The following DOC2B variants were observed in gnomAD, a reference collection of about 807,000 sequenced individuals.
DOC2B encodes the protein double C2 domain beta.
DOC2B carries 21 observed loss-of-function variants against 28.9 expected under a neutral mutation model. The ratio of observed to expected loss-of-function variants is 0.73; its 90% confidence interval spans 0.52 to 1.05. The LOEUF is 1.05. DOC2B is among the 50% of genes least tolerant of loss of function. The pLI, the probability that DOC2B is intolerant of heterozygous loss-of-function variation, is 0.00. For missense variants in DOC2B, 384 were observed against 421.1 expected, an observed-to-expected ratio of 0.91 and a Z score of 0.77; for synonymous variants, 194 against 178.1, an observed-to-expected ratio of 1.09 and a Z score of -0.71.
At chr17:162,039 A>G (rs62054999) in intron 4 of DOC2B, 42 bp downstream of exon 4, 1,172,164 of 1,374,054 alleles carry the variant, frequency 0.85, 501,087 homozygotes, top group East Asian at 0.9. Flanking sequence ...GGGTGGGAGT[A>G]GGGGTTGGGG....
At position 157,774 on chromosome 17, in the gene DOC2B, C is replaced by T. The variant is rs182941596; in HGVS notation, c.766-1397G>A. Among the ~76,000 whole-genome samples, 217 of 152,320 alleles carry T rather than the reference C, an allele frequency of 1.4e-3. 1 individual carries two copies. The highest frequency in any genetic ancestry group is 5.0e-3 in the African/African-American group (206 of 41,572). On this transcript the variant is annotated intron_variant, in intron 5 of 8. Transcript: ENST00000613549. ...CTGCGTCATCTTTAATACCTCAGGG[C>T]TGGGCAAGGCCCTGGCACTAAGGGC...
In DOC2B at chr17:162,128, G is replaced by A. The variant is rs1555523339; in HGVS notation, c.591C>T (p.Leu197=). 5 of 1,551,952 alleles carry A rather than the reference G, an allele frequency of 3.2e-6. No homozygotes were observed. Among genetic ancestry groups the A allele is most frequent in the Non-Finnish European group, 4.4e-6 (5 of 1,147,046 alleles). The change falls in exon 4 of 9, where the codon CTC becomes CTT. Residue 197 remains leucine (L), a synonymous_variant. Transcript: ENST00000613549. ...CTTCATCTGTGATCCCGTAGTAAGT[G>A]AGGGTCTCGTTCCATGTGGGGTTCA... is the stretch of plus-strand genomic sequence containing the variant. The part of the protein sequence containing the change: ...NTLNPTWNET[L]TYYGITDEDM...
intron 5 of DOC2B, among the ~76,000 whole-genome samples, chr17:161,157 A>C (rs1555523176): frequency 6.6e-6 from 1 of 151,976 alleles, no homozygotes; most frequent in Non-Finnish European, 1.5e-5. Context: ...TCTTCAAGCC[A>C]TCCTGAGCCC....
intron 7 of DOC2B, among the ~76,000 whole-genome samples, 193 bp from the exon 8 acceptor site, chr17:148,462 T>TCGCC (rs2040038819): frequency 6.6e-6 from 1 of 152,070 alleles, no homozygotes; most frequent in African/African-American, 2.4e-5. Context: ...CCCTGTCCCC[T>TCGCC]CGCCCGCTTG....
At chr17:170,233 C>A (rs1454528137) in intron 2 of DOC2B, among the ~76,000 whole-genome samples, 1 of 152,174 alleles carries the variant, frequency 6.6e-6, no homozygotes, top group Non-Finnish European at 1.5e-5. Flanking sequence ...GCTGGAGCCC[C>A]CGCCAGGCAG....
chr17:165,750 C>A (rs1256626790), intron 2 of DOC2B, among the ~76,000 whole-genome samples: 1 of 152,202 alleles, frequency 6.6e-6, no homozygotes, highest in Non-Finnish European at 1.5e-5. Flanking sequence ...GGCTGCTCTT[C>A]CAAACCCAAC....
At chr17:172,200 G>A (rs981501833) in intron 2 of DOC2B, among the ~76,000 whole-genome samples, 16 of 141,468 alleles carry the variant, frequency 1.1e-4, no homozygotes, top group African/African-American at 3.6e-4. Flanking sequence ...TACCCAACCC[G>A]CCCTCCCTTG....
In DOC2B at chr17:144,892, T is replaced by TCTCG. The variant is rs1187715448; in HGVS notation, c.*2545_*2548dup. The TCTCG allele has an allele frequency of 4.6e-5, 7 of 152,240 alleles. No homozygotes were observed. Among genetic ancestry groups the TCTCG allele is most frequent in the African/African-American group, 1.4e-4 (6 of 41,450 alleles). 9.4% of individuals were successfully genotyped at this position (152,240 alleles called of 1,614,324 possible). On this transcript the variant is annotated 3_prime_UTR_variant, in exon 9 of 9. Transcript: ENST00000613549. ...ATGGTAGGTGGGGGGTACAGCCTCT[T>TCTCG]CTCGCTTTGCCATTCACTTCTGTGT...
intron 2 of DOC2B, among the ~76,000 whole-genome samples, chr17:165,734 T>G (rs1249037911): frequency 6.6e-6 from 1 of 152,074 alleles, no homozygotes; most frequent in African/African-American, 2.4e-5. Context: ...GTGCTCAAGG[T>G]GACAAGGCTG....
At chr17:170,423 G>A (rs184742098) in intron 2 of DOC2B, among the ~76,000 whole-genome samples, 68 of 152,254 alleles carry the variant, frequency 4.5e-4, no homozygotes, top group Middle Eastern at 3.4e-3. Flanking sequence ...GGGGTGGCAC[G>A]CAGTAGCCTG....
intron 1 of DOC2B, among the ~76,000 whole-genome samples, chr17:174,708 A>G (rs550468553): frequency 3.3e-5 from 5 of 152,248 alleles, no homozygotes; most frequent in African/African-American, 1.2e-4. Context: ...ATCAGCCTGA[A>G]ACTCCTATTA....
intron 2 of DOC2B, 84 bp downstream of exon 2, chr17:172,453 G>A: frequency 9.2e-7 from 1 of 1,092,230 alleles, no homozygotes; most frequent in Admixed American, 2.3e-5. Context: ...GGAACCTGGG[G>A]AGTGGTGTGG....
chr17:161,139 C>T (rs932005402), intron 5 of DOC2B, among the ~76,000 whole-genome samples: 2 of 152,156 alleles, frequency 1.3e-5, no homozygotes, highest in African/African-American at 4.8e-5. Context: ...CTGCCCTCTC[C>T]TCCCTCTTCT....
intron 5 of DOC2B, among the ~76,000 whole-genome samples, chr17:160,771 C>T (rs1405591681): frequency 2.0e-5 from 3 of 152,254 alleles, no homozygotes; most frequent in African/African-American, 4.8e-5. Context: ...ACTCAGAGGG[C>T]GTAGCTGCTG....
chr17:150,878 G>C (rs2040065309), intron 6 of DOC2B, among the ~76,000 whole-genome samples: 1 of 152,202 alleles, frequency 6.6e-6, no homozygotes, highest in Non-Finnish European at 1.5e-5. Flanking sequence ...GCAACTGACA[G>C]ATGAATCTCA....
intron 1 of DOC2B, among the ~76,000 whole-genome samples, chr17:179,804 C>T (rs1224093901): frequency 6.6e-6 from 1 of 152,272 alleles, no homozygotes; most frequent in Non-Finnish European, 1.5e-5. Flanking sequence ...CTTCATGTGC[C>T]AGGCGCTGGC....
In DOC2B at chr17:165,487, T is replaced by TA. The variant is rs3029494; in HGVS notation, c.454-1284dup. Among the ~76,000 whole-genome samples the TA allele has an allele frequency of 9.9e-3, 1,178 of 119,108 alleles. 6 individuals carry two copies. Among genetic ancestry groups the TA allele is most frequent in the Non-Finnish European group, 0.015 (845 of 55,834 alleles). 78.1% of individuals were successfully genotyped at this position (119,108 alleles called of 152,430 possible). ...ACAGAGTGAGACCCTGTCTCAAGTT[T>TA]AAAAAAAAAAAAAAAAAAAGGGCGG... On this transcript the variant is annotated intron_variant, in intron 2 of 8. Coordinates refer to ENST00000613549, the MANE Select transcript of DOC2B (RefSeq NM_003585.5).
At position 156,333 on chromosome 17, in the gene DOC2B, G is replaced by A. The variant is rs1555522529; in HGVS notation, c.810C>T (p.Ile270=). 1 of 1,538,296 alleles carries A rather than the reference G, an allele frequency of 6.5e-7. No homozygotes were observed. The highest frequency in any genetic ancestry group is 8.8e-7 in the Non-Finnish European group (1 of 1,135,224). The change falls in exon 6 of 9, where the codon ATC becomes ATT. Residue 270 remains isoleucine (I), a synonymous_variant. Transcript: ENST00000613549. ...GTGAGCTGTACTTGAGGGAGATGAG[G>A]ATGCGGCCCCGCTCCTCCAGGGACT... The part of the protein sequence containing the change: ...EDKSLEERGR[I]LISLKYSSQK...
At chr17:159,566 G>C (rs2040175455) in intron 5 of DOC2B, among the ~76,000 whole-genome samples, 5 of 152,188 alleles carry the variant, frequency 3.3e-5, no homozygotes, top group Non-Finnish European at 7.3e-5. Context: ...AGAGGTTGCA[G>C]TGAACAGAGA....
Sources: allele counts gnomAD v4.1 joint callset (sites outside exome capture counted in the v4.1 genomes callset), GRCh38; gene constraint gnomAD v4.1.1; transcripts MANE v1.5; gene names NCBI Gene and HGNC (gene_info 2026-07-23, HGNC 2026-07-21).